Variants in RAB5C observed in about 807,000 individuals in gnomAD.
The protein encoded by RAB5C is RAB5C, member RAS oncogene family, also known as ras-related protein Rab-5C.
In RAB5C, 4 loss-of-function variants were observed where a neutral mutation model predicts 25.2. The ratio of observed to expected loss-of-function variants is 0.16; its 90% CI spans 0.08 to 0.36. The LOEUF is 0.36. Ranked by LOEUF, RAB5C falls within the 10% of genes least tolerant of loss-of-function variation. RAB5C has a pLI of 1.00. For synonymous variants in RAB5C, 100 were observed against 106.4 expected (o/e 0.94, Z 0.37); for missense variants, 199 against 283.8 (o/e 0.70, Z 2.15).
intron 1 of RAB5C, among the ~76,000 whole-genome samples, chr17:42,145,260 C>A (rs911675222): frequency 1.3e-5 from 2 of 152,096 alleles, no homozygotes; most frequent in African/African-American, 4.8e-5. Flanking sequence ...AGTCCCTGTT[C>A]CTTAGGTGTG....
At chr17:42,134,207 G>T (rs924394990) in intron 1 of RAB5C, among the ~76,000 whole-genome samples, 2 of 152,100 alleles carry the variant, frequency 1.3e-5, no homozygotes, top group Non-Finnish European at 2.9e-5. Context: ...TGAAGACATG[G>T]CAGGTAGTAA....
At chr17:42,150,322 T>A (rs898627414) in intron 1 of RAB5C, among the ~76,000 whole-genome samples, 4 of 151,722 alleles carry the variant, frequency 2.6e-5, no homozygotes, top group Non-Finnish European at 4.4e-5. Context: ...CTGGGCACAA[T>A]TACCTGAGGT....
At chr17:42,134,980 G>GTTTT (rs528680102) in intron 1 of RAB5C, among the ~76,000 whole-genome samples, 1 of 134,934 alleles carries the variant, frequency 7.4e-6, no homozygotes. Context: ...TTTTTCTTAA[G>GTTTT]TTTTTTTTTT....
In RAB5C at chr17:42,125,518, A is replaced by G. The variant is rs1242167150; in HGVS notation, c.*265T>C. ...GCAAGGGAAAATGGGAGAGCAGTAG[A>G]AAGGGGAGGAAGTGGGAAGAGCAGA... is the stretch of plus-strand genomic sequence containing the variant. On this transcript the variant is annotated 3_prime_UTR_variant, in exon 6 of 6. Coordinates refer to ENST00000346213, the MANE Select transcript of RAB5C (RefSeq NM_004583.4). 1 of 402,878 alleles carries G rather than the reference A, an allele frequency of 2.5e-6. No homozygotes were observed. The highest frequency in any genetic ancestry group is 4.5e-6 in the Non-Finnish European group (1 of 220,966). 25.0% of individuals were successfully genotyped at this position (402,878 alleles called of 1,614,324 possible).
At chr17:42,130,727 TC>T in intron 1 of RAB5C, 137 bp from the exon 2 acceptor site, 1 of 1,106,454 alleles carries the variant, frequency 9.0e-7, no homozygotes, top group Non-Finnish European at 1.2e-6. Context: ...CTCCCTGCCC[TC>T]CCCACTAGAG....
intron 4 of RAB5C, 93 bp downstream of exon 4, chr17:42,128,168 A>G: frequency 6.6e-7 from 1 of 1,508,654 alleles, no homozygotes; most frequent in South Asian, 1.3e-5. Context: ...GTTGCCTCCT[A>G]GCATGGCCCT....
At chr17:42,151,137 G>T (rs764724029) in intron 1 of RAB5C, among the ~76,000 whole-genome samples, 1 of 152,056 alleles carries the variant, frequency 6.6e-6, no homozygotes, top group Non-Finnish European at 1.5e-5. Context: ...CTGGGCAAGG[G>T]TTAGAAGTAG....
At chr17:42,150,907 G>T (rs1045482622) in intron 1 of RAB5C, among the ~76,000 whole-genome samples, 12 of 152,072 alleles carry the variant, frequency 7.9e-5, no homozygotes, top group African/African-American at 2.6e-4. Flanking sequence ...CTGCTATTTT[G>T]TGGGCATCCA....
At chr17:42,148,023 G>A (rs919498122) in intron 1 of RAB5C, among the ~76,000 whole-genome samples, 7 of 152,106 alleles carry the variant, frequency 4.6e-5, no homozygotes, top group African/African-American at 1.4e-4. Context: ...TCTTTAACTC[G>A]GGAGGCGGAG....
At chr17:42,148,769 C>T (rs1195645487) in intron 1 of RAB5C, among the ~76,000 whole-genome samples, 2 of 152,152 alleles carry the variant, frequency 1.3e-5, no homozygotes, top group Non-Finnish European at 2.9e-5. Flanking sequence ...GCAGAAGAGC[C>T]TTCTAGGCAA....
chr17:42,135,981 G>A (rs111494201), intron 1 of RAB5C, among the ~76,000 whole-genome samples: 2,501 of 152,214 alleles, frequency 0.016, 30 homozygotes, highest in Middle Eastern at 0.027. Context: ...AAGTGACCCC[G>A]CCCAGGGTCC....
At position 42,150,221 on chromosome 17, in the gene RAB5C, C is replaced by T. The variant is rs577236524; in HGVS notation, c.-89+4672G>A. 3.9e-5 allele frequency among the ~76,000 whole-genome samples: 6 copies of T among 152,082 alleles called. No homozygotes were observed. In the South Asian group the frequency reaches 1.2e-3, roughly 32 times the overall value. ...CTTGAACTCCTGGGATCAAGCGATCCTCCCAAAGTGCTAGGATTATAGGCA... is the reference window on the plus strand; with the variant it reads ...CTTGAACTCCTGGGATCAAGCGATCTTCCCAAAGTGCTAGGATTATAGGCA... On this transcript the variant is annotated intron_variant, in intron 1 of 5. Transcript: ENST00000346213.
intron 1 of RAB5C, 107 bp from the exon 2 acceptor site, chr17:42,130,697 A>T: frequency 7.3e-7 from 1 of 1,375,394 alleles, no homozygotes; most frequent in Non-Finnish European, 9.6e-7. Context: ...GACCTAGCTG[A>T]CTGCTTCCCC....
At chr17:42,134,591 C>T (rs2054517730) in intron 1 of RAB5C, among the ~76,000 whole-genome samples, 1 of 152,052 alleles carries the variant, frequency 6.6e-6, no homozygotes, top group South Asian at 2.1e-4. Flanking sequence ...AAAAAGTTGA[C>T]TTTTTTTCAC....
At chr17:42,128,859 C>T (rs2054456815) in intron 2 of RAB5C, 59 bp from the exon 3 acceptor site, 3 of 1,351,624 alleles carry the variant, frequency 2.2e-6, no homozygotes, top group South Asian at 4.3e-5. Flanking sequence ...CCCACACAAT[C>T]CCACTGTTGC....
intron 4 of RAB5C, among the ~76,000 whole-genome samples, chr17:42,128,039 C>T (rs920958279): frequency 6.6e-6 from 1 of 152,076 alleles, no homozygotes; most frequent in African/African-American, 2.4e-5. Context: ...AGGCTGGTCT[C>T]GAACTCCTGG....
At chr17:42,131,790 G>T (rs1371219578) in intron 1 of RAB5C, 2 of 578,768 alleles carry the variant, frequency 3.5e-6, no homozygotes, top group Non-Finnish European at 3.1e-6. Context: ...TTTTGGAATT[G>T]CAGACACATG....
At position 42,130,593 on chromosome 17, in the gene RAB5C, G is replaced by C. The variant is rs757930639; in HGVS notation, c.-88-3C>G. ...TTAGTGGGGAGGGGGACCTCCAACT[G>C]TAAGGGAGAAATGAGAAGTACTGAG... On this transcript the variant is annotated splice_polypyrimidine_tract_variant and splice_region_variant and intron_variant, in intron 1 of 5. Coordinates refer to ENST00000346213, the MANE Select transcript of RAB5C (RefSeq NM_004583.4). The C allele has an allele frequency of 6.5e-5, 102 of 1,566,746 alleles. No individual in the cohort carries two copies. Among genetic ancestry groups the C allele is most frequent in the Non-Finnish European group, 1.5e-5 (17 of 1,156,040 alleles).
intron 1 of RAB5C, among the ~76,000 whole-genome samples, chr17:42,138,932 G>A (rs555647910): frequency 1.7e-4 from 26 of 152,170 alleles, no homozygotes; most frequent in Non-Finnish European, 2.9e-4. Flanking sequence ...AAGCTCACTC[G>A]GGTGGAAGAC....
Sources: allele counts gnomAD v4.1 joint callset (sites outside exome capture counted in the v4.1 genomes callset), GRCh38; gene constraint gnomAD v4.1.1; transcripts MANE v1.5; gene names NCBI Gene and HGNC (gene_info 2026-07-23, HGNC 2026-07-21).